IL1RAPL2: variants seen among roughly 807,000 people sequenced by gnomAD.
IL1RAPL2 encodes the protein interleukin 1 receptor accessory protein like 2.
A neutral mutation model predicts 44.1 loss-of-function variants in IL1RAPL2; 3 were observed. That is an observed-to-expected ratio of 0.07 (90% CI 0.03 to 0.18). The LOEUF (loss-of-function observed/expected upper bound fraction) is 0.18, where lower values mean the gene tolerates loss of function less well. Among genes scored for constraint, IL1RAPL2 ranks in the 10% least tolerant of loss-of-function variants. The pLI is 1.00. For synonymous variants in IL1RAPL2, 181 were observed against 178.8 expected, an observed-to-expected ratio of 1.01 and a Z score of -0.10; for missense variants, 391 against 496.4, an observed-to-expected ratio of 0.79 and a Z score of 2.02.
chrX:104,922,513 C>T (rs1924670955), intron 2 of IL1RAPL2, among the ~76,000 whole-genome samples: 1 of 112,367 alleles, frequency 8.9e-6, no homozygotes, highest in Admixed American at 9.4e-5. Context: ...CTACAAACAA[C>T]TAGCATCTTA....
intron 2 of IL1RAPL2, among the ~76,000 whole-genome samples, chrX:105,121,038 T>C (rs951667549): frequency 1.7e-4 from 19 of 111,754 alleles, no homozygotes; most frequent in Non-Finnish European, 3.2e-4. Context: ...ATTAAGACCC[T>C]TTCCCCTACT....
At chrX:105,309,526 G>A (rs868684862) in intron 5 of IL1RAPL2, among the ~76,000 whole-genome samples, 1 of 106,708 alleles carries the variant, frequency 9.4e-6, no homozygotes, top group Non-Finnish European at 1.9e-5. Flanking sequence ...GAGGTCAGGA[G>A]TTTGAGACCA....
intron 6 of IL1RAPL2, among the ~76,000 whole-genome samples, chrX:105,539,135 TGC>T (rs1453533472): frequency 9.0e-6 from 1 of 111,304 alleles, no homozygotes; most frequent in Non-Finnish European, 1.9e-5. Context: ...ACAGATGCAG[TGC>T]TATTCCTATC....
chrX:105,681,432 A>G (rs1027606891), intron 6 of IL1RAPL2, among the ~76,000 whole-genome samples: 2 of 112,237 alleles, frequency 1.8e-5, no homozygotes, highest in African/African-American at 6.5e-5. Context: ...CTTGAAAAGA[A>G]AACATTAAAA....
intron 2 of IL1RAPL2, among the ~76,000 whole-genome samples, chrX:104,856,984 C>T (rs1454277857): frequency 8.9e-6 from 1 of 112,099 alleles, no homozygotes; most frequent in African/African-American, 3.2e-5. Flanking sequence ...TGCCCTCAAA[C>T]TTTACTTTCT....
chrX:104,920,042 G>C (rs1156259451), intron 2 of IL1RAPL2, among the ~76,000 whole-genome samples: 1 of 111,391 alleles, frequency 9.0e-6, no homozygotes, highest in African/African-American at 3.3e-5. Context: ...GAAGTGTGAG[G>C]GATGTAATGC....
chrX:105,106,141 T>C (rs950344903), intron 2 of IL1RAPL2, among the ~76,000 whole-genome samples: 1 of 112,150 alleles, frequency 8.9e-6, no homozygotes, highest in African/African-American at 3.2e-5. Flanking sequence ...GTATGATTCT[T>C]AAGTTTGAAA....
intron 2 of IL1RAPL2, among the ~76,000 whole-genome samples, chrX:105,041,299 C>G (rs1242147680): frequency 4.8e-4 from 53 of 110,858 alleles, no homozygotes; most frequent in African/African-American, 1.6e-3. Context: ...TTACTTCCAA[C>G]TATGTGTTCA....
At chrX:105,543,216 A>G (rs1268109893) in intron 6 of IL1RAPL2, among the ~76,000 whole-genome samples, 1 of 111,814 alleles carries the variant, frequency 8.9e-6, no homozygotes, top group Non-Finnish European at 1.9e-5. Context: ...ACTCACCTAT[A>G]AAGTTCAATC....
At chrX:105,117,272 T>C (rs1033151335) in intron 2 of IL1RAPL2, among the ~76,000 whole-genome samples, 6 of 112,473 alleles carry the variant, frequency 5.3e-5, no homozygotes, top group Admixed American at 9.4e-5. Flanking sequence ...AGAAATGGAA[T>C]GAGTATACTG....
Position 104,954,601 on chromosome X carries a change from G to A in IL1RAPL2, c.83-240874G>A, listed in dbSNP as rs1925665793. On this transcript the variant is annotated intron_variant, in intron 2 of 10. Coordinates refer to ENST00000372582, the MANE Select transcript of IL1RAPL2 (RefSeq NM_017416.2). ...CTGTAGCCCAGGCTGGAGTGCAGTG[G>A]TGCAGTCATAGCTTACTGCAGTCTT... Among the ~76,000 whole-genome samples, 5 of 111,490 alleles carry A rather than the reference G, an allele frequency of 4.5e-5. No individual in the cohort carries two copies. The Admixed American group carries it at 4.8e-4, about 11-fold the overall frequency.
chrX:105,174,456 C>T (rs1385350851), intron 2 of IL1RAPL2, among the ~76,000 whole-genome samples: 2 of 111,195 alleles, frequency 1.8e-5, no homozygotes, highest in African/African-American at 6.5e-5. Flanking sequence ...GCAGGGAGGG[C>T]AGGGAGGGTG....
chrX:104,896,966 T>C (rs916601030), intron 2 of IL1RAPL2, among the ~76,000 whole-genome samples: 1 of 111,353 alleles, frequency 9.0e-6, no homozygotes, highest in Admixed American at 9.6e-5. Flanking sequence ...AGAGATACCA[T>C]GAACCCACCA....
chrX:105,390,428 C>T (rs754909285), intron 5 of IL1RAPL2, among the ~76,000 whole-genome samples: 12 of 111,485 alleles, frequency 1.1e-4, no homozygotes, highest in Middle Eastern at 4.7e-3. Context: ...CGGTGCCTGA[C>T]GTATAATTGG....
At chrX:104,922,342 T>C (rs1294785009) in intron 2 of IL1RAPL2, among the ~76,000 whole-genome samples, 1 of 112,867 alleles carries the variant, frequency 8.9e-6, no homozygotes, top group African/African-American at 3.2e-5. Flanking sequence ...GCTCAGCTGG[T>C]TCTTGCCTGC....
intron 2 of IL1RAPL2, among the ~76,000 whole-genome samples, chrX:105,089,756 T>G (rs768707894): frequency 8.9e-6 from 1 of 111,800 alleles, no homozygotes; most frequent in East Asian, 2.8e-4. Context: ...ATCCTCACTT[T>G]TACAGATGAT....
chrX:104,852,414 G>T (rs776595239), intron 2 of IL1RAPL2, among the ~76,000 whole-genome samples: 1 of 111,931 alleles, frequency 8.9e-6, no homozygotes, highest in African/African-American at 3.2e-5. Flanking sequence ...TAAGGTCTTT[G>T]TCCGAGGTTT....
At chrX:105,357,637 ACT>A (rs2035213053) in intron 5 of IL1RAPL2, among the ~76,000 whole-genome samples, 2 of 107,875 alleles carry the variant, frequency 1.9e-5, no homozygotes, top group South Asian at 3.8e-4. Context: ...ATTTGTACTA[ACT>A]CTGGTAGTTT....
intron 5 of IL1RAPL2, among the ~76,000 whole-genome samples, chrX:105,481,132 G>A (rs1445740590): frequency 1.8e-5 from 2 of 111,745 alleles, no homozygotes; most frequent in Admixed American, 9.5e-5. Context: ...TGTAATTATC[G>A]TAGAGTCAAA....
Sources: gnomAD v4.1 joint callset for allele counts (sites outside exome capture counted in the v4.1 genomes callset) on GRCh38, gnomAD v4.1.1 for gene constraint, MANE v1.5 for transcripts, NCBI Gene and HGNC (gene_info 2026-07-23, HGNC 2026-07-21) for gene names.